TTC28: variants seen among roughly 807,000 people sequenced by gnomAD.
TTC28 encodes tetratricopeptide repeat domain 28.
Under a neutral mutation model 198.0 loss-of-function variants are expected in TTC28, and 61 were observed. That is an observed-to-expected ratio of 0.31 (90% CI 0.25 to 0.38). The LOEUF is 0.38. Ranked by LOEUF, TTC28 falls within the 10% of genes least tolerant of loss-of-function variation. The pLI is 1.00. For synonymous variants in TTC28, 1,171 were observed against 1,297.8 expected, an observed-to-expected ratio of 0.90 and a Z score of 2.10; for missense variants, 2,678 against 3,164.0, an observed-to-expected ratio of 0.85 and a Z score of 3.69.
chr22:28,263,188 T>C (rs1217103311), intron 5 of TTC28, among the ~76,000 whole-genome samples: 1 of 152,152 alleles, frequency 6.6e-6, no homozygotes, highest in Non-Finnish European at 1.5e-5. Flanking sequence ...TAATAATGAC[T>C]AGCATCTATT....
chr22:28,462,120 T>G (rs1056742421), intron 2 of TTC28, among the ~76,000 whole-genome samples: 9 of 152,238 alleles, frequency 5.9e-5, no homozygotes, highest in African/African-American at 2.2e-4. Context: ...TACAATTTAT[T>G]ATGTGACTGT....
chr22:28,293,387 A>C (rs982833871), intron 5 of TTC28, among the ~76,000 whole-genome samples: 1 of 152,136 alleles, frequency 6.6e-6, no homozygotes, highest in Admixed American at 6.5e-5. Flanking sequence ...AAATTACTAC[A>C]TGATCTCATT....
At chr22:28,089,742 A>T (rs1270618587) in intron 12 of TTC28, among the ~76,000 whole-genome samples, 1 of 151,600 alleles carries the variant, frequency 6.6e-6, no homozygotes, top group Non-Finnish European at 1.5e-5. Flanking sequence ...TAAAAAAAAA[A>T]AGAAAATGTG....
At chr22:28,117,681 T>A (rs1273932273) in intron 6 of TTC28, among the ~76,000 whole-genome samples, 2 of 152,208 alleles carry the variant, frequency 1.3e-5, no homozygotes, top group Non-Finnish European at 2.9e-5. Flanking sequence ...TCTACTACAA[T>A]CTTTGCTGTA....
chr22:28,192,952 T>A (rs886834886), intron 5 of TTC28, among the ~76,000 whole-genome samples: 6 of 152,148 alleles, frequency 3.9e-5, no homozygotes, highest in African/African-American at 9.7e-5. Flanking sequence ...GCCACAAAGA[T>A]ACGCCTTGAC....
At chr22:28,455,197 T>A (rs2047840673) in intron 2 of TTC28, among the ~76,000 whole-genome samples, 1 of 152,186 alleles carries the variant, frequency 6.6e-6, no homozygotes, top group Non-Finnish European at 1.5e-5. Context: ...TAGAACACAG[T>A]GCAAGAGATA....
At chr22:28,577,914 T>C (rs559006570) in intron 2 of TTC28, among the ~76,000 whole-genome samples, 3 of 152,274 alleles carry the variant, frequency 2.0e-5, no homozygotes, top group Non-Finnish European at 1.5e-5. Flanking sequence ...TTTTTATCCA[T>C]TCATCCACCC....
chr22:28,015,416 C>G (rs1359481296), intron 13 of TTC28, among the ~76,000 whole-genome samples: 7 of 112,254 alleles, frequency 6.2e-5, no homozygotes. Context: ...TAGGAGATAG[C>G]TTTAAAAAAA....
intron 2 of TTC28, among the ~76,000 whole-genome samples, chr22:28,590,088 C>T (rs2050399714): frequency 6.9e-6 from 1 of 144,984 alleles, no homozygotes. Context: ...ACTATAACTT[C>T]CTATTTGATT....
chr22:28,043,158 G>A (rs960457167), intron 12 of TTC28, among the ~76,000 whole-genome samples: 1 of 139,920 alleles, frequency 7.1e-6, no homozygotes, highest in African/African-American at 2.7e-5. Flanking sequence ...GCAGAGAACT[G>A]CTTGAACCCG....
chr22:28,017,759 C>A (rs1938428951), intron 13 of TTC28, among the ~76,000 whole-genome samples: 1 of 152,166 alleles, frequency 6.6e-6, no homozygotes, highest in South Asian at 2.1e-4. Context: ...TCTCCCCAGG[C>A]TACCAGTTGT....
At chr22:28,677,178 ATATAT>A (rs1569095496) in intron 1 of TTC28, among the ~76,000 whole-genome samples, 23,590 of 57,988 alleles carry the variant, frequency 0.41, 3,968 homozygotes, top group Middle Eastern at 0.53. Context: ...AAAAAAAAAT[ATATAT>A]ATATATATAT....
At position 28,242,888 on chromosome 22, in the gene TTC28, T is replaced by C. The variant is rs1929762006; in HGVS notation, c.933+53310A>G. Among the ~76,000 whole-genome samples the C allele has an allele frequency of 2.6e-5, 4 of 152,132 alleles. No individual in the cohort carries two copies. In the East Asian group the frequency reaches 7.7e-4, roughly 29 times the overall value. On this transcript the variant is annotated intron_variant, in intron 5 of 22. Transcript: ENST00000397906. ...ATCAAATTGGGCAGGCATGACCTGA[T>C]ACACTGTCTCTCAAAGTATGTAGAA...
intron 2 of TTC28, among the ~76,000 whole-genome samples, chr22:28,473,887 A>G (rs2048129364): frequency 6.6e-6 from 1 of 152,240 alleles, no homozygotes; most frequent in Non-Finnish European, 1.5e-5. Flanking sequence ...TAAAAGCCAA[A>G]GAGAGAAGCC....
intron 7 of TTC28, 122 bp from the exon 8 acceptor site, chr22:28,105,924 T>C: frequency 3.3e-6 from 4 of 1,202,324 alleles, no homozygotes; most frequent in Middle Eastern, 5.7e-4. Flanking sequence ...TTAACTCCTC[T>C]TCTAGCTAAA....
intron 20 of TTC28, among the ~76,000 whole-genome samples, chr22:27,990,317 G>C (rs1937356193): frequency 6.6e-6 from 1 of 152,208 alleles, no homozygotes; most frequent in Admixed American, 6.5e-5. Flanking sequence ...GAGAGTAGAA[G>C]GGGTGAGTTA....
intron 5 of TTC28, among the ~76,000 whole-genome samples, chr22:28,182,311 A>T (rs1227233639): frequency 6.6e-6 from 1 of 152,172 alleles, no homozygotes; most frequent in Non-Finnish European, 1.5e-5. Flanking sequence ...AGCCAACCTG[A>T]ATTTCGGTGG....
At chr22:28,505,706 C>A (rs1343099551) in intron 2 of TTC28, among the ~76,000 whole-genome samples, 1 of 152,182 alleles carries the variant, frequency 6.6e-6, no homozygotes, top group East Asian at 1.9e-4. Context: ...GCCCCAGAAT[C>A]CCCCGCAAGG....
chr22:28,200,791 A>G (rs1033792838), intron 5 of TTC28, among the ~76,000 whole-genome samples: 4 of 152,192 alleles, frequency 2.6e-5, no homozygotes, highest in African/African-American at 9.6e-5. Flanking sequence ...ACTGCTAGGT[A>G]GGAGCAGGAT....
Sources: allele counts gnomAD v4.1 joint callset (sites outside exome capture counted in the v4.1 genomes callset), GRCh38; gene constraint gnomAD v4.1.1; transcripts MANE v1.5; gene names NCBI Gene and HGNC (gene_info 2026-07-23, HGNC 2026-07-21).